Variants in ZNF273 observed in about 807,000 individuals in gnomAD.
ZNF273 encodes zinc finger protein 273, also known as zinc finger protein 9.
Under a neutral mutation model 14.9 loss-of-function variants are expected in ZNF273, and 11 were observed. The ratio of observed to expected loss-of-function variants is 0.74; its 90% CI spans 0.46 to 1.22. The LOEUF is 1.22. Among genes scored for constraint, ZNF273 ranks in the 50% most tolerant of loss-of-function variants. ZNF273 has a pLI of 0.00. For synonymous variants in ZNF273, 199 were observed against 223.9 expected (o/e 0.89, Z 0.99); for missense variants, 577 against 660.6 (o/e 0.87, Z 1.39).
chr7:64,894,145 C>T (rs2129046573), downstream of ZNF273, among the ~76,000 whole-genome samples: 1 of 152,256 alleles, frequency 6.6e-6, no homozygotes, highest in South Asian at 2.1e-4. Flanking sequence ...GCTGAAACTA[C>T]AGGCGCGTGC....
In ZNF273 at chr7:64,928,168, T is replaced by TA. The variant is rs955254760; in HGVS notation, c.847dup (p.Ile283AsnfsTer4). The TA allele has an allele frequency of 1.9e-6, 3 of 1,612,914 alleles. No homozygotes were observed. The highest frequency in any genetic ancestry group is 1.7e-4 in the Middle Eastern group (1 of 6,048). On this transcript the variant is annotated frameshift_variant, in exon 4 of 4. Coordinates refer to ENST00000476120, the MANE Select transcript of ZNF273 (RefSeq NM_021148.3). LOFTEE classifies it low-confidence loss of function (END_TRUNC). ...ACCAGTCCTTAACTCTTACTAAACA[T>TA]AAAAAAATTCATACTGAAGAGAAAC... is the stretch of plus-strand genomic sequence containing the variant.
At position 64,916,916 on chromosome 7, in the gene ZNF273, A is replaced by G. The variant is rs983167302; in HGVS notation, c.103-665A>G. Reference sequence around the variant, plus strand: ...TTTCTCTTCTTTATTAAGTATCTTTATGCAGCTGATGTGCATAAACCATCA... The same window carrying G: ...TTTCTCTTCTTTATTAAGTATCTTTGTGCAGCTGATGTGCATAAACCATCA... On this transcript the variant is annotated intron_variant, in intron 1 of 3. Coordinates refer to ENST00000476120, the MANE Select transcript of ZNF273 (RefSeq NM_021148.3). 6.8e-6 allele frequency: 6 copies of G among 884,222 alleles called. No homozygotes were observed. The African/African-American group carries it at 1.1e-4, about 16-fold the overall frequency. The allele number at this position is 884,222 out of a possible 1,614,324, so 54.8% of individuals were successfully genotyped here. A position where few individuals can be genotyped will look rare whatever the true frequency, so the allele number is the denominator to read the frequency against.
At chr7:64,904,534 A>G (rs1389270009) in intron 1 of ZNF273, among the ~76,000 whole-genome samples, 1 of 152,198 alleles carries the variant, frequency 6.6e-6, no homozygotes, top group African/African-American at 2.4e-5. Flanking sequence ...CAGAGTCTCA[A>G]GACTACTCCC....
intron 3 of ZNF273, among the ~76,000 whole-genome samples, chr7:64,922,825 G>T (rs560771914): frequency 6.6e-6 from 1 of 152,118 alleles, no homozygotes; most frequent in South Asian, 2.1e-4. Context: ...CATTAGCCAG[G>T]TGTGGTGGTG....
chr7:64,928,735 A>G lies in ZNF273; in HGVS notation c.1407A>G (p.Ala469=). 1 of 1,610,712 alleles carries G rather than the reference A, an allele frequency of 6.2e-7. No homozygotes were observed. Among genetic ancestry groups the G allele is most frequent in the Non-Finnish European group, 8.5e-7 (1 of 1,178,274 alleles). ...AAGAATGTGGCAGTGCCTTTAGGGC[A>G]TTCTCAACCCTTACTGAACATAAGA... The part of the protein sequence containing the change: ...KCEECGSAFR[A]FSTLTEHKRV... Residue 469 remains alanine, a synonymous_variant, in exon 4 of 4, where the codon GCA becomes GCG. Transcript: ENST00000476120.
At chr7:64,916,715 C>A (rs755234751) in intron 1 of ZNF273, among the ~76,000 whole-genome samples, 9 of 125,156 alleles carry the variant, frequency 7.2e-5, no homozygotes, top group Non-Finnish European at 1.6e-4. Flanking sequence ...TGTGCCTCAG[C>A]GCATCATACA....
At chr7:64,889,643 C>A (rs1233498171), downstream of ZNF273, 1 of 985,868 alleles carries the variant, frequency 1.0e-6, no homozygotes, top group Non-Finnish European at 1.2e-6. This position sits in a 1 kb window ranked among gnomAD's most constrained non-coding sequence, Gnocchi z 4.2. Context: ...CTGACCGGAG[C>A]CGCCTGGGTC....
At chr7:64,935,436 A>C (rs1392925461), downstream of ZNF273, among the ~76,000 whole-genome samples, 2 of 151,994 alleles carry the variant, frequency 1.3e-5, no homozygotes, top group Non-Finnish European at 2.9e-5. Flanking sequence ...CTTGAGGTGC[A>C]TTTGTCCTAT....
chr7:64,912,832 T>TGTTGTG (rs1554386326), intron 1 of ZNF273, among the ~76,000 whole-genome samples: 1 of 61,198 alleles, frequency 1.6e-5, no homozygotes, highest in African/African-American at 5.8e-5. Context: ...TTTAGTTTTT[T>TGTTGTG]TTTTTTTTTT....
chr7:64,889,342 C>T (rs1791815759), downstream of ZNF273: 14 of 963,838 alleles, frequency 1.5e-5, no homozygotes, highest in Non-Finnish European at 1.6e-5. This position sits in a 1 kb window ranked among gnomAD's most constrained non-coding sequence, Gnocchi z 4.2. Flanking sequence ...CCCTCCGCCC[C>T]AACAGCTGGT....
At chr7:64,897,652 T>G (rs2129049787) in exon 4 of ZNF273, 1 of 148,974 alleles carries the variant, frequency 6.7e-6, no homozygotes. Context: ...TTAAGCAAAA[T>G]AAGCATACGC....
chr7:64,894,837 A>G (rs1051381514), downstream of ZNF273, among the ~76,000 whole-genome samples: 3 of 152,174 alleles, frequency 2.0e-5, no homozygotes, highest in African/African-American at 4.8e-5. Context: ...GTAGTTATAT[A>G]CGAAAGATCG....
chr7:64,935,409 T>C (rs1407507634), downstream of ZNF273, among the ~76,000 whole-genome samples: 1 of 152,220 alleles, frequency 6.6e-6, no homozygotes, highest in East Asian at 1.9e-4. Context: ...TTTTTTGGTA[T>C]ATCTGGTGTA....
downstream of ZNF273, among the ~76,000 whole-genome samples, chr7:64,883,214 A>ACCCCCCCCCCCCCCCCCCC (rs57594044): frequency 8.2e-6 from 1 of 121,636 alleles, no homozygotes; most frequent in African/African-American, 3.1e-5. Context: ...CCAAATCACC[A>ACCCCCCCCCCCCCCCCCCC]CCCCCCCCTC....
At chr7:64,879,181 G>A (rs1055028329) in intron 2 of ZNF273, among the ~76,000 whole-genome samples, 5 of 152,282 alleles carry the variant, frequency 3.3e-5, no homozygotes, top group South Asian at 2.1e-4. Flanking sequence ...TCCTCTCACC[G>A]TGGATGTAGT....
At chr7:64,914,377 C>T (rs1793804038) in intron 1 of ZNF273, among the ~76,000 whole-genome samples, 1 of 146,494 alleles carries the variant, frequency 6.8e-6, no homozygotes, top group East Asian at 2.0e-4. Context: ...ATTATTATTA[C>T]TTATTATTTT....
chr7:64,924,365 C>G (rs1226107988), intron 3 of ZNF273: 1 of 152,082 alleles, frequency 6.6e-6, no homozygotes, highest in South Asian at 2.1e-4. Flanking sequence ...GTCCTCTGTT[C>G]TCTTACTAAT....
chr7:64,917,880 CT>C (rs989939021), intron 2 of ZNF273, among the ~76,000 whole-genome samples, 173 bp downstream of exon 2: 1 of 152,196 alleles, frequency 6.6e-6, no homozygotes, highest in Admixed American at 6.5e-5. Context: ...TTGACTTGAA[CT>C]TTCCACGTTC....
rs772563048 is a variant in ZNF273 at position 64,928,289 on chromosome 7, G to A, written c.961G>A (p.Glu321Lys). 6.2e-6 allele frequency: 10 copies of A among 1,612,672 alleles called. No homozygotes were observed. The Admixed American group carries it at 1.2e-4, about 19-fold the overall frequency. Residue 321 changes from glutamate (E) to lysine (K), a missense_variant, in exon 4 of 4, where the codon GAA (glutamate) becomes AAA (lysine). Glu to Lys is a moderately conservative substitution (Grantham distance 56). Coordinates refer to ENST00000476120, the MANE Select transcript of ZNF273 (RefSeq NM_021148.3). ...IHTGTKPYNC[E>K]ECGKGFSIFS... is the part of the protein sequence containing the mutation. ...TACAGGAACAAAACCCTACAATTGT[G>A]AAGAATGTGGCAAAGGCTTTAGTAT...
Sources: allele counts gnomAD v4.1 joint callset (sites outside exome capture counted in the v4.1 genomes callset), GRCh38; gene constraint gnomAD v4.1.1; non-coding constraint Gnocchi (gnomAD v3.1); transcripts MANE v1.5; gene names NCBI Gene and HGNC (gene_info 2026-07-23, HGNC 2026-07-21).